The following CYB5R4 variants were observed in gnomAD, a reference collection of about 807,000 sequenced individuals.
CYB5R4 encodes cytochrome b5 reductase 4, also known as N-terminal cytochrome b5 and cytochrome b5 oxidoreductase domain-containing protein.
Under a neutral mutation model 70.2 loss-of-function variants are expected in CYB5R4, and 55 were observed. The ratio of observed to expected loss-of-function variants is 0.78; its 90% CI spans 0.63 to 0.98. The LOEUF is 0.98. Among genes scored for constraint, CYB5R4 ranks in the 50% least tolerant of loss-of-function variants. The pLI is 0.00. For synonymous variants in CYB5R4, 197 were observed against 199.5 expected (o/e 0.99, Z 0.11); for missense variants, 562 against 612.6 (o/e 0.92, Z 0.87).
intron 3 of CYB5R4, among the ~76,000 whole-genome samples, chr6:83,905,351 GT>G (rs201484328): frequency 1.3e-5 from 2 of 152,080 alleles, no homozygotes; most frequent in Admixed American, 6.6e-5. Context: ...CCCTTTTTCA[GT>G]TTTTTTTAAA....
At chr6:83,872,515 C>T (rs980686520) in intron 2 of CYB5R4, among the ~76,000 whole-genome samples, 6 of 152,138 alleles carry the variant, frequency 3.9e-5, no homozygotes, top group Middle Eastern at 3.2e-3. Flanking sequence ...CAAAAAGTTA[C>T]TAAAAAGTTA....
At chr6:83,925,322 C>A (rs1043611054) in intron 10 of CYB5R4, among the ~76,000 whole-genome samples, 6 of 152,108 alleles carry the variant, frequency 3.9e-5, no homozygotes, top group African/African-American at 1.2e-4. Context: ...CTAAACCATT[C>A]ATGAAGGATC....
chr6:83,956,047 AT>A (rs1489146553), intron 15 of CYB5R4, among the ~76,000 whole-genome samples: 1 of 152,250 alleles, frequency 6.6e-6, no homozygotes, highest in East Asian at 1.9e-4. Flanking sequence ...TTGGTTAAAT[AT>A]AGCCCCTATT....
intron 10 of CYB5R4, among the ~76,000 whole-genome samples, chr6:83,927,040 A>C (rs2099467398): frequency 6.6e-6 from 1 of 151,812 alleles, no homozygotes; most frequent in South Asian, 2.1e-4. Context: ...TCAGCTCCTA[A>C]AGTTTTGTTG....
At chr6:83,899,859 C>T (rs2099462581) in intron 3 of CYB5R4, among the ~76,000 whole-genome samples, 2 of 152,074 alleles carry the variant, frequency 1.3e-5, no homozygotes, top group Admixed American at 6.5e-5. Flanking sequence ...TCTCTCTTTT[C>T]TTCTTTAGTA....
At position 83,921,150 on chromosome 6, in the gene CYB5R4, G is replaced by A. The variant is rs1240317962; in HGVS notation, c.633G>A (p.Lys211=). Residue 211 remains lysine, a synonymous_variant, in exon 8 of 16, where the codon AAG becomes AAA. Coordinates refer to ENST00000369681, the MANE Select transcript of CYB5R4 (RefSeq NM_016230.4). ...CCTTTAGAGCAGAAACAATTATTAA[G>A]GATTGTTTATATCTTATACATATTG... ...NDSFRAETII[K]DCLYLIHIGL... 1.1e-5 allele frequency: 17 copies of A among 1,519,226 alleles called. No individual in the cohort carries two copies. Among genetic ancestry groups the A allele is most frequent in the Non-Finnish European group, 1.5e-5 (17 of 1,114,338 alleles). 94.1% of individuals were successfully genotyped at this position (1,519,226 alleles called of 1,614,324 possible). A position where few individuals can be genotyped will look rare whatever the true frequency, so the allele number is the denominator to read the frequency against.
At position 83,897,381 on chromosome 6, in the gene CYB5R4, A is replaced by G. The variant is rs549242559; in HGVS notation, c.330+3759A>G. 5.9e-5 allele frequency among the ~76,000 whole-genome samples: 9 copies of G among 152,362 alleles called. No individual in the cohort carries two copies. In the East Asian group the frequency reaches 1.7e-3, roughly 29 times the overall value. On this transcript the variant is annotated intron_variant, in intron 3 of 15. Coordinates refer to ENST00000369681, the MANE Select transcript of CYB5R4 (RefSeq NM_016230.4). ...ATACATGTGCATGTGTCTTTATAGC[A>G]GCATGATTTATAATCCTTTGGGTAT...
At chr6:83,933,654 A>G (rs2099468483) in intron 10 of CYB5R4, among the ~76,000 whole-genome samples, 2 of 152,348 alleles carry the variant, frequency 1.3e-5, no homozygotes, top group Admixed American at 6.5e-5. Flanking sequence ...TTATGTTCAA[A>G]GATAATTTAC....
chr6:83,903,009 T>C (rs2099463237), intron 3 of CYB5R4, among the ~76,000 whole-genome samples: 1 of 152,094 alleles, frequency 6.6e-6, no homozygotes, highest in African/African-American at 2.4e-5. Flanking sequence ...ATGGATGCTT[T>C]TTATTTCTTT....
intron 10 of CYB5R4, among the ~76,000 whole-genome samples, chr6:83,932,533 G>T (rs1384480201): frequency 2.0e-5 from 3 of 152,154 alleles, no homozygotes; most frequent in African/African-American, 7.2e-5. Context: ...GTGCAAGAGG[G>T]TCACCTGCCC....
At chr6:83,958,452 G>A (rs2099472791) in intron 15 of CYB5R4, among the ~76,000 whole-genome samples, 1 of 152,158 alleles carries the variant, frequency 6.6e-6, no homozygotes, top group Admixed American at 6.6e-5. Flanking sequence ...AAAAAGTCAT[G>A]TGCACAGCAT....
intron 2 of CYB5R4, among the ~76,000 whole-genome samples, chr6:83,885,362 G>T (rs2099460083): frequency 6.6e-6 from 1 of 152,138 alleles, no homozygotes; most frequent in Non-Finnish European, 1.5e-5. Context: ...CACCAAAAAG[G>T]TCTTAAGCTC....
chr6:83,954,411 CA>C (rs1477506903), intron 14 of CYB5R4, among the ~76,000 whole-genome samples: 2 of 152,148 alleles, frequency 1.3e-5, no homozygotes, highest in East Asian at 3.9e-4. Context: ...ATTTTGGGTT[CA>C]GGGGGTACAT....
chr6:83,891,141 C>G (rs1197764853), intron 2 of CYB5R4, among the ~76,000 whole-genome samples: 1 of 151,996 alleles, frequency 6.6e-6, no homozygotes, highest in Non-Finnish European at 1.5e-5. Flanking sequence ...GAGACAGGAT[C>G]TCACTATGTT....
intron 3 of CYB5R4, among the ~76,000 whole-genome samples, chr6:83,904,626 T>C (rs1438402548): frequency 6.6e-6 from 1 of 152,214 alleles, no homozygotes; most frequent in Admixed American, 6.5e-5. Context: ...GAATGGGATT[T>C]TGAACTCCCC....
At chr6:83,924,391 T>C in intron 9 of CYB5R4, 79 bp from the exon 10 acceptor site, 2 of 1,444,098 alleles carry the variant, frequency 1.4e-6, no homozygotes, top group South Asian at 2.5e-5. Flanking sequence ...ACACTTGTAC[T>C]ATTTGAGAAA....
At chr6:83,895,652 TAGACCTTATTTA>T in intron 3 of CYB5R4, among the ~76,000 whole-genome samples, 1 of 152,228 alleles carries the variant, frequency 6.6e-6, no homozygotes, top group East Asian at 1.9e-4. Context: ...TGAGGTCATA[TAGACCTTATTTA>T]AGGAAAGCTT....
intron 1 of CYB5R4, among the ~76,000 whole-genome samples, chr6:83,863,321 T>C: frequency 6.6e-6 from 1 of 152,142 alleles, no homozygotes; most frequent in Non-Finnish European, 1.5e-5. Flanking sequence ...AAGGGCTGTA[T>C]AGAAACAGGT....
intron 3 of CYB5R4, among the ~76,000 whole-genome samples, chr6:83,905,447 T>C (rs906381257): frequency 2.6e-5 from 4 of 152,186 alleles, no homozygotes; most frequent in African/African-American, 9.7e-5. Context: ...ATCCTGGGTG[T>C]GTGCAGTAGT....
Sources: allele counts gnomAD v4.1 joint callset (sites outside exome capture counted in the v4.1 genomes callset), GRCh38; gene constraint gnomAD v4.1.1; transcripts MANE v1.5; gene names NCBI Gene and HGNC (gene_info 2026-07-23, HGNC 2026-07-21).